ATP9A: variants seen among roughly 807,000 people sequenced by gnomAD.
ATP9A encodes ATPase phospholipid transporting 9A.
A neutral mutation model predicts 144.1 loss-of-function variants in ATP9A; 52 were observed. That is an observed-to-expected ratio of 0.36 (90% CI 0.29 to 0.45). ATP9A has a LOEUF of 0.45. Ranked by LOEUF, ATP9A falls within the 20% of genes least tolerant of loss-of-function variation. ATP9A has a pLI of 1.00. For synonymous variants in ATP9A, 582 were observed against 557.4 expected (o/e 1.04, Z -0.62); for missense variants, 947 against 1,392.7 (o/e 0.68, Z 5.09).
chr20:51,747,995 G>A (rs974938495), intron 1 of ATP9A, among the ~76,000 whole-genome samples: 3 of 152,174 alleles, frequency 2.0e-5, no homozygotes, highest in African/African-American at 7.2e-5. Flanking sequence ...CTGCAAGCCT[G>A]TCCCTTTGTC....
chr20:51,667,269 C>T (rs1009788247), intron 13 of ATP9A, among the ~76,000 whole-genome samples: 16 of 152,266 alleles, frequency 1.1e-4, no homozygotes, highest in Middle Eastern at 3.4e-3. Context: ...GGACGGCTTC[C>T]GTAAACACCA....
rs56043552 is a variant in ATP9A at position 51,638,071 on chromosome 20, T to TTATATATATATATA, written c.1668+1258_1668+1271dup. On this transcript the variant is annotated intron_variant, in intron 15 of 27. Transcript: ENST00000338821. ...CATGGCTAAGTAGCATTTCATCATTTTATATATATATATATATATATATAT... is the reference window on the plus strand; with the variant it reads ...CATGGCTAAGTAGCATTTCATCATTTTATATATATATATATATATATATATATATATATATATAT... Among the ~76,000 whole-genome samples the TTATATATATATATA allele has an allele frequency of 1.3e-3, 46 of 34,132 alleles. 2 individuals are homozygous for TTATATATATATATA. Among genetic ancestry groups the TTATATATATATATA allele is most frequent in the Middle Eastern group, 0.031 (1 of 32 alleles). 22.4% of individuals were successfully genotyped at this position (34,132 alleles called of 152,430 possible). A position where few individuals can be genotyped will look rare whatever the true frequency, so the allele number is the denominator to read the frequency against.
At chr20:51,658,275 C>G (rs1046777458) in intron 13 of ATP9A, among the ~76,000 whole-genome samples, 18 of 152,094 alleles carry the variant, frequency 1.2e-4, no homozygotes, top group Non-Finnish European at 1.0e-4. Flanking sequence ...GCCTGCCGAA[C>G]ATGGTAAAAC....
At position 51,613,722 on chromosome 20, in the gene ATP9A, G is replaced by A. The variant is rs1038043793; in HGVS notation, c.2526C>T (p.Leu842=). The A allele has an allele frequency of 1.9e-6, 3 of 1,614,084 alleles. No individual in the cohort carries two copies. Among genetic ancestry groups the A allele is most frequent in the Admixed American group, 3.3e-5 (2 of 60,016 alleles). ...GGCTCCTGTGAATCACGAACTGGCT[G>A]AGGGCGGCTGACCGCTTGTAGCTGT... is the stretch of plus-strand genomic sequence containing the variant. ...GRNSYKRSAA[L]SQFVIHRSLC... The change falls in exon 23 of 28, where the codon CTC becomes CTT. Residue 842 remains leucine (L), a synonymous_variant. Transcript: ENST00000338821.
intron 23 of ATP9A, 29 bp from the exon 24 acceptor site, chr20:51,610,194 CA>C: frequency 6.4e-7 from 1 of 1,556,790 alleles, no homozygotes; most frequent in Non-Finnish European, 8.9e-7. Flanking sequence ...AGGATGTCAC[CA>C]AAAGTCATGA....
rs560052477 is a variant in ATP9A, at chr20:51,634,259, C to T, written c.1668+5084G>A. ...CAAATGACCCTAGCAGAGCCCACAG[C>T]CCTACGTCTTGAACAACTTCAGACT... On this transcript the variant is annotated intron_variant, in intron 15 of 27. Coordinates refer to ENST00000338821, the MANE Select transcript of ATP9A (RefSeq NM_006045.3). Among the ~76,000 whole-genome samples, 4 of 152,296 alleles carry T rather than the reference C, an allele frequency of 2.6e-5. No homozygotes were observed. The East Asian group carries it at 5.8e-4, about 22-fold the overall frequency.
intron 9 of ATP9A, among the ~76,000 whole-genome samples, chr20:51,685,874 C>T (rs922175823): frequency 1.6e-4 from 24 of 152,152 alleles, no homozygotes; most frequent in African/African-American, 5.3e-4. Flanking sequence ...GGGTATATAC[C>T]CAAAGGATTA....
Position 51,726,084 on chromosome 20 carries a change from C to T in ATP9A, c.214-152G>A, listed in dbSNP as rs370114720. The T allele has an allele frequency of 3.0e-4, 184 of 610,206 alleles. 4 individuals carry two copies. The highest frequency in any genetic ancestry group is 2.9e-3 in the East Asian group (103 of 36,062). 37.8% of individuals were successfully genotyped at this position (610,206 alleles called of 1,614,324 possible). ...ATCCCAGAACTTTGGGAGGCCGAGG[C>T]GAGCGGATCACCTGAGGTCAGGATT... On this transcript the variant is annotated intron_variant, in intron 2 of 27. Coordinates refer to ENST00000338821, the MANE Select transcript of ATP9A (RefSeq NM_006045.3).
At chr20:51,735,741 C>T (rs2077760252) in intron 1 of ATP9A, among the ~76,000 whole-genome samples, 1 of 152,212 alleles carries the variant, frequency 6.6e-6, no homozygotes, top group Non-Finnish European at 1.5e-5. Context: ...ATAACTTACA[C>T]CTTTTAATAC....
At chr20:51,601,913 AAG>A in intron 27 of ATP9A, among the ~76,000 whole-genome samples, 1 of 151,328 alleles carries the variant, frequency 6.6e-6, no homozygotes, top group South Asian at 2.1e-4. Flanking sequence ...TCTCAAAAAA[AAG>A]AGAAAAAAAG....
chr20:51,628,831 A>T (rs2077259986), intron 16 of ATP9A, 149 bp downstream of exon 16: 1 of 663,950 alleles, frequency 1.5e-6, no homozygotes, highest in Non-Finnish European at 2.7e-6. Context: ...ATTATATATT[A>T]AATGGGTGCT....
At chr20:51,648,665 T>C (rs1478659942) in intron 14 of ATP9A, among the ~76,000 whole-genome samples, 1 of 152,066 alleles carries the variant, frequency 6.6e-6, no homozygotes, top group African/African-American at 2.4e-5. Flanking sequence ...CCCCCATTGC[T>C]ACAATAAAAT....
chr20:51,663,862 G>A (rs2122778414), intron 13 of ATP9A, among the ~76,000 whole-genome samples: 1 of 151,186 alleles, frequency 6.6e-6, no homozygotes, highest in East Asian at 2.0e-4. Flanking sequence ...GATGCAGAAA[G>A]TAAGAAGAAC....
intron 14 of ATP9A, among the ~76,000 whole-genome samples, chr20:51,646,084 T>C (rs965877228): frequency 2.0e-5 from 3 of 152,330 alleles, no homozygotes; most frequent in South Asian, 2.1e-4. Flanking sequence ...GAGTCTGTTG[T>C]GTTTTCTCCT....
At chr20:51,691,224 T>C (rs1190087664) in intron 7 of ATP9A, among the ~76,000 whole-genome samples, 1 of 152,156 alleles carries the variant, frequency 6.6e-6, no homozygotes, top group Non-Finnish European at 1.5e-5. Context: ...CCCAGCACTT[T>C]GGGAGGCTGA....
intron 1 of ATP9A, among the ~76,000 whole-genome samples, chr20:51,755,313 T>G (rs1416108868): frequency 6.6e-6 from 1 of 151,358 alleles, no homozygotes; most frequent in African/African-American, 2.4e-5. Flanking sequence ...CACGGGCCTG[T>G]AATCCCAGCT....
chr20:51,618,546 A>T, intron 21 of ATP9A, 116 bp downstream of exon 21: 2 of 1,425,110 alleles, frequency 1.4e-6, no homozygotes, highest in Non-Finnish European at 1.9e-6. Context: ...TCATGACCTG[A>T]ACAAAGGGGC....
chr20:51,711,371 ACT>A (rs1486318629), intron 4 of ATP9A, among the ~76,000 whole-genome samples: 2 of 151,880 alleles, frequency 1.3e-5, no homozygotes, highest in Non-Finnish European at 2.9e-5. Context: ...CAAAAGGAAA[ACT>A]CTACTGAAAA....
intron 4 of ATP9A, among the ~76,000 whole-genome samples, chr20:51,698,111 G>A (rs538030042): frequency 1.3e-5 from 2 of 152,336 alleles, no homozygotes; most frequent in East Asian, 1.9e-4. Flanking sequence ...GAGGAAAGGA[G>A]ACTCAGGATG....
Sources: allele counts gnomAD v4.1 joint callset (sites outside exome capture counted in the v4.1 genomes callset), GRCh38; gene constraint gnomAD v4.1.1; transcripts MANE v1.5; gene names NCBI Gene and HGNC (gene_info 2026-07-23, HGNC 2026-07-21).